Variants in NUDCD3 observed in about 807,000 individuals in gnomAD.
NUDCD3 encodes NudC domain containing 3.
Under a neutral mutation model 39.7 loss-of-function variants are expected in NUDCD3, and 13 were observed. The observed-to-expected ratio is 0.33, with a 90% CI of 0.21 to 0.52. The LOEUF (loss-of-function observed/expected upper bound fraction) is 0.52. NUDCD3 is among the 20% of genes least tolerant of loss of function. The pLI, the probability that NUDCD3 is intolerant of heterozygous loss-of-function variation, is 0.96. For missense variants in NUDCD3, 453 were observed against 458.1 expected, an observed-to-expected ratio of 0.99 and a Z score of 0.10; for synonymous variants, 175 against 172.4, an observed-to-expected ratio of 1.02 and a Z score of -0.12.
chr7:44,462,986 T>C (rs1398154775), intron 2 of NUDCD3, among the ~76,000 whole-genome samples: 1 of 143,784 alleles, frequency 7.0e-6, no homozygotes. Flanking sequence ...TGTGTGTGTG[T>C]GTGTATACAC....
At chr7:44,392,746 G>A (rs956913114) in intron 4 of NUDCD3, among the ~76,000 whole-genome samples, 13 of 152,132 alleles carry the variant, frequency 8.5e-5, no homozygotes, top group Admixed American at 1.3e-4. Context: ...TCTGGAAGAT[G>A]CCTTTATCCT....
At chr7:44,439,471 T>C (rs538574888) in intron 2 of NUDCD3, among the ~76,000 whole-genome samples, 2 of 151,800 alleles carry the variant, frequency 1.3e-5, no homozygotes, top group African/African-American at 4.8e-5. Context: ...CTAAATACCA[T>C]TCAATAAAGG....
intron 4 of NUDCD3, among the ~76,000 whole-genome samples, chr7:44,399,971 T>G (rs2116869407): frequency 6.6e-6 from 1 of 152,232 alleles, no homozygotes; most frequent in South Asian, 2.1e-4. Flanking sequence ...CATGAAGAAG[T>G]GTATATGGAA....
intron 3 of NUDCD3, among the ~76,000 whole-genome samples, chr7:44,408,310 C>T (rs1220251985): frequency 6.6e-6 from 1 of 152,060 alleles, no homozygotes. Context: ...CAACTCAAGT[C>T]CAAAAACTGC....
chr7:44,400,722 G>A (rs1343518821), intron 4 of NUDCD3, among the ~76,000 whole-genome samples: 1 of 152,204 alleles, frequency 6.6e-6, no homozygotes, highest in Non-Finnish European at 1.5e-5. Flanking sequence ...GCTTCTGGTG[G>A]CTCCAGGTGT....
chr7:44,478,819 C>A (rs1310798594), intron 2 of NUDCD3, among the ~76,000 whole-genome samples: 1 of 152,114 alleles, frequency 6.6e-6, no homozygotes, highest in Non-Finnish European at 1.5e-5. Flanking sequence ...AGCTTTAGGG[C>A]AGAACACAGG....
At position 44,386,971 on chromosome 7, in the gene NUDCD3, C is replaced by T. The variant is rs766417797; in HGVS notation, c.976-850G>A. 8.7e-4 allele frequency among the ~76,000 whole-genome samples: 133 copies of T among 152,200 alleles called. No individual in the cohort carries two copies. The Middle Eastern group carries it at 0.014, about 16-fold the overall frequency. On this transcript the variant is annotated intron_variant, in intron 5 of 5. Transcript: ENST00000355451. ...TGAGGGCTAGGGATGATCTCTCCTTCCTTCTAACCTTCTGACCACAAGAGA... is the reference window on the plus strand; with the variant it reads ...TGAGGGCTAGGGATGATCTCTCCTTTCTTCTAACCTTCTGACCACAAGAGA...
intron 4 of NUDCD3, among the ~76,000 whole-genome samples, chr7:44,401,609 A>G (rs1798727862): frequency 6.6e-6 from 1 of 152,208 alleles, no homozygotes; most frequent in Non-Finnish European, 1.5e-5. Flanking sequence ...CACTTTAAGG[A>G]ACCATGGGAA....
intron 3 of NUDCD3, among the ~76,000 whole-genome samples, chr7:44,425,555 C>T (rs751940869): frequency 4.6e-5 from 7 of 152,158 alleles, no homozygotes; most frequent in Non-Finnish European, 1.0e-4. Flanking sequence ...GAGTAGACAT[C>T]TCTCTCCCAC....
At chr7:44,436,623 A>C (rs1043972156) in intron 2 of NUDCD3, among the ~76,000 whole-genome samples, 1 of 152,232 alleles carries the variant, frequency 6.6e-6, no homozygotes, top group African/African-American at 2.4e-5. Flanking sequence ...TTACATATAT[A>C]TAAAAATAGT....
chr7:44,458,730 T>C (rs1018910395), intron 2 of NUDCD3, among the ~76,000 whole-genome samples: 1 of 152,204 alleles, frequency 6.6e-6, no homozygotes, highest in African/African-American at 2.4e-5. Context: ...TGAAAAGCAC[T>C]GAATTGTACA....
chr7:44,436,499 C>T (rs962310180), intron 2 of NUDCD3, among the ~76,000 whole-genome samples: 2 of 152,168 alleles, frequency 1.3e-5, no homozygotes, highest in Non-Finnish European at 2.9e-5. Context: ...AGAGATAATG[C>T]CAAACTGTTT....
chr7:44,391,294 C>A (rs955825927), intron 5 of NUDCD3, among the ~76,000 whole-genome samples: 1 of 152,202 alleles, frequency 6.6e-6, no homozygotes, highest in African/African-American at 2.4e-5. Context: ...CATGTTGACA[C>A]TCCTCTCCGC....
chr7:44,410,747 T>C (rs1256552470), intron 3 of NUDCD3, among the ~76,000 whole-genome samples: 2 of 151,666 alleles, frequency 1.3e-5, no homozygotes, highest in Admixed American at 1.3e-4. Context: ...GGCAGGCAGA[T>C]CATGAGGTCA....
chr7:44,466,797 A>G (rs994517594), intron 2 of NUDCD3, among the ~76,000 whole-genome samples: 11 of 152,214 alleles, frequency 7.2e-5, no homozygotes, highest in Admixed American at 7.2e-4. Context: ...GAGCCTGCAA[A>G]GCAGGAGGCA....
At chr7:44,434,611 A>G (rs537078579) in intron 2 of NUDCD3, among the ~76,000 whole-genome samples, 26 of 152,294 alleles carry the variant, frequency 1.7e-4, no homozygotes, top group African/African-American at 5.8e-4. Context: ...CCTCAGCCAG[A>G]CACACAAAAG....
intron 2 of NUDCD3, among the ~76,000 whole-genome samples, chr7:44,431,481 GC>G (rs1412662236): frequency 6.6e-6 from 1 of 152,110 alleles, no homozygotes; most frequent in African/African-American, 2.4e-5. Context: ...GGCAAGCCAG[GC>G]ACCAGGGTCA....
At chr7:44,432,711 C>CT (rs556637733) in intron 2 of NUDCD3, among the ~76,000 whole-genome samples, 102 of 152,300 alleles carry the variant, frequency 6.7e-4, no homozygotes, top group African/African-American at 2.4e-3. Flanking sequence ...TGTTCACACT[C>CT]TTAACTACAT....
Position 44,382,918 on chromosome 7 carries a change from G to C in NUDCD3, c.*3093C>G, listed in dbSNP as rs1376279071. 2 of 152,194 alleles carry C rather than the reference G, an allele frequency of 1.3e-5. No homozygotes were observed. Among genetic ancestry groups the C allele is most frequent in the African/African-American group, 4.8e-5 (2 of 41,420 alleles). The allele number at this position is 152,194 out of a possible 1,614,324, so 9.4% of individuals were successfully genotyped here. ...CTGTTCTCCCTCCTGCACTCTTCAG[G>C]GGCAAATACGCCTCTCCTTTCTGGC... is the stretch of plus-strand genomic sequence containing the variant. On this transcript the variant is annotated 3_prime_UTR_variant, in exon 6 of 6. Transcript: ENST00000355451.
Sources: allele counts gnomAD v4.1 joint callset (sites outside exome capture counted in the v4.1 genomes callset), GRCh38; gene constraint gnomAD v4.1.1; transcripts MANE v1.5; gene names NCBI Gene and HGNC (gene_info 2026-07-23, HGNC 2026-07-21).